SOX6: variants seen among roughly 807,000 people sequenced by gnomAD.
SOX6 encodes the protein SRY-box transcription factor 6, also known as transcription factor SOX-6.
A neutral mutation model predicts 97.8 loss-of-function variants in SOX6; 11 were observed. That is an observed-to-expected ratio of 0.11 (90% CI 0.07 to 0.19). The LOEUF is 0.19. SOX6 is among the 10% of genes least tolerant of loss of function. The pLI, the probability that SOX6 is intolerant of heterozygous loss-of-function variation, is 1.00. For synonymous variants in SOX6, 360 were observed against 371.4 expected (o/e 0.97, Z 0.35); for missense variants, 810 against 1,039.5 (o/e 0.78, Z 3.04).
intron 4 of SOX6, among the ~76,000 whole-genome samples, chr11:16,492,864 A>G (rs1438171983): frequency 1.3e-5 from 2 of 152,232 alleles, no homozygotes; most frequent in African/African-American, 4.8e-5. Context: ...TAAACATCAA[A>G]ATGTGCTTAA....
At chr11:16,401,369 A>C (rs993545188) in intron 1 of SOX6, among the ~76,000 whole-genome samples, 2 of 151,354 alleles carry the variant, frequency 1.3e-5, no homozygotes, top group Non-Finnish European at 3.0e-5. Flanking sequence ...ATGGAGCGTT[A>C]ATAGTTACCA....
chr11:16,259,158 A>C (rs1853793108), intron 3 of SOX6, among the ~76,000 whole-genome samples: 1 of 151,942 alleles, frequency 6.6e-6, no homozygotes. Context: ...ATATGAAAAT[A>C]TATTTATTTC....
chr11:16,237,680 GA>G (rs1853066545), intron 3 of SOX6, among the ~76,000 whole-genome samples: 1 of 151,712 alleles, frequency 6.6e-6, no homozygotes, highest in South Asian at 2.1e-4. Flanking sequence ...ATTCCAAATG[GA>G]AAAAAAGGAC....
intron 7 of SOX6, 61 bp downstream of exon 7, chr11:16,111,742 C>G: frequency 2.5e-6 from 4 of 1,599,234 alleles, no homozygotes; most frequent in Non-Finnish European, 3.4e-6. Flanking sequence ...GTTGTGAGTA[C>G]TAAGCATAAA....
At chr11:16,625,002 T>A (rs986603997) in intron 3 of SOX6, among the ~76,000 whole-genome samples, 15 of 152,212 alleles carry the variant, frequency 9.9e-5, no homozygotes, top group African/African-American at 2.9e-4. Context: ...AGTTGTAGAA[T>A]TGCTTATAAT....
chr11:16,449,627 A>G (rs1353981703), intron 1 of SOX6, among the ~76,000 whole-genome samples: 4 of 151,990 alleles, frequency 2.6e-5, no homozygotes, highest in East Asian at 1.9e-4. Flanking sequence ...TAAACCTCCA[A>G]TTGGTTGCCT....
chr11:16,539,842 C>CA (rs878941714), intron 4 of SOX6, among the ~76,000 whole-genome samples: 6 of 151,924 alleles, frequency 3.9e-5, no homozygotes, highest in Non-Finnish European at 8.8e-5. Context: ...GCCTACCAAC[C>CA]AAAAAAAGTC....
At chr11:16,544,829 C>T (rs1470603704) in intron 4 of SOX6, among the ~76,000 whole-genome samples, 1 of 151,400 alleles carries the variant, frequency 6.6e-6, no homozygotes, top group Non-Finnish European at 1.5e-5. Context: ...TTAGCAGGTA[C>T]AATGTTAAAA....
intron 3 of SOX6, among the ~76,000 whole-genome samples, chr11:16,671,594 T>A (rs1847847847): frequency 2.0e-5 from 3 of 149,222 alleles, no homozygotes; most frequent in African/African-American, 5.0e-5. Context: ...CAGAAAAAAA[T>A]AAAGAAAAGA....
chr11:16,508,730 A>G (rs1003661384), intron 4 of SOX6, among the ~76,000 whole-genome samples: 3 of 152,124 alleles, frequency 2.0e-5, no homozygotes, highest in African/African-American at 7.2e-5. Context: ...AATGAGTACA[A>G]ACCTATAGTT....
chr11:16,711,543 G>T (rs1253214759), intron 3 of SOX6, among the ~76,000 whole-genome samples: 1 of 152,034 alleles, frequency 6.6e-6, no homozygotes, highest in Non-Finnish European at 1.5e-5. Flanking sequence ...CCCTACAATG[G>T]TTTACTTTTA....
chr11:16,166,726 G>C (rs1850896417), intron 6 of SOX6, among the ~76,000 whole-genome samples: 2 of 152,176 alleles, frequency 1.3e-5, no homozygotes, highest in African/African-American at 4.8e-5. Flanking sequence ...GGTGATCAGT[G>C]AAGGCTTCAT....
chr11:16,729,390 A>G (rs1590067181), intron 2 of SOX6, among the ~76,000 whole-genome samples: 1 of 152,162 alleles, frequency 6.6e-6, no homozygotes, highest in Non-Finnish European at 1.5e-5. Context: ...CTCTGCAGAA[A>G]CCCTACAAGC....
At chr11:16,130,056 T>C (rs1849702335) in intron 6 of SOX6, among the ~76,000 whole-genome samples, 1 of 151,986 alleles carries the variant, frequency 6.6e-6, no homozygotes, top group Non-Finnish European at 1.5e-5. Context: ...TAGAAAATCT[T>C]AAGAATTTTT....
At chr11:16,684,912 T>C (rs950127478) in intron 3 of SOX6, among the ~76,000 whole-genome samples, 2 of 152,116 alleles carry the variant, frequency 1.3e-5, no homozygotes, top group African/African-American at 2.4e-5. Context: ...CACGAGCTTT[T>C]ACTTATGGCA....
intron 6 of SOX6, among the ~76,000 whole-genome samples, chr11:16,147,191 A>G (rs372015651): frequency 1.3e-5 from 2 of 152,204 alleles, no homozygotes; most frequent in Non-Finnish European, 1.5e-5. Flanking sequence ...GGATGAATTC[A>G]TGTCCTTTGA....
rs180931922 is a variant in SOX6, at chr11:16,617,688, G to A, written n.430-5428C>T. On this transcript the variant is annotated intron_variant and non_coding_transcript_variant, in intron 3 of 5. Transcript: ENST00000524520. ...AACAGTAAGTTTCCAATTTCTACCC[G>A]TTTAGAAATAGAGTACGAGCCTTTT... Among the ~76,000 whole-genome samples the A allele has an allele frequency of 1.6e-3, 242 of 151,826 alleles. 2 individuals are homozygous for A. The highest frequency in any genetic ancestry group is 0.01 in the Middle Eastern group (3 of 294).
At position 16,365,285 on chromosome 11, in the gene SOX6, CTGTG is replaced by C. The variant is rs35122849; in HGVS notation, c.-4-24037_-4-24034del. 5.1e-3 allele frequency among the ~76,000 whole-genome samples: 759 copies of C among 148,814 alleles called. 7 individuals carry two copies. Among genetic ancestry groups the C allele is most frequent in the African/African-American group, 0.018 (714 of 40,498 alleles). ...TCCCCATCAGATAAACAGGGAAGTA[CTGTG>C]TGTGTGTGTGTGTGTGTTTGTGTGT... On this transcript the variant is annotated intron_variant, in intron 1 of 15. Coordinates refer to the SOX6 transcript ENST00000396356.
At chr11:16,523,282 C>T (rs1196658888) in intron 4 of SOX6, among the ~76,000 whole-genome samples, 6 of 152,226 alleles carry the variant, frequency 3.9e-5, no homozygotes, top group Middle Eastern at 6.8e-3. Flanking sequence ...AACAAACTAT[C>T]TCTCAGATCA....
Sources: allele counts gnomAD v4.1 joint callset (sites outside exome capture counted in the v4.1 genomes callset), GRCh38; gene constraint gnomAD v4.1.1; transcripts MANE v1.5; gene names NCBI Gene and HGNC (gene_info 2026-07-23, HGNC 2026-07-21).